The following SNRPD1 variants were observed in gnomAD, a reference collection of about 807,000 sequenced individuals.
SNRPD1 encodes the protein small nuclear ribonucleoprotein Sm D1.
Under a neutral mutation model 14.4 loss-of-function variants are expected in SNRPD1, and 1 was observed. The ratio of observed to expected loss-of-function variants is 0.07; its 90% CI spans 0.02 to 0.33. The LOEUF is 0.33. Among genes scored for constraint, SNRPD1 ranks in the 10% least tolerant of loss-of-function variants. SNRPD1 has a pLI of 1.00. For synonymous variants in SNRPD1, 42 were observed against 50.3 expected (o/e 0.83, Z 0.70); for missense variants, 52 against 146.4 (o/e 0.36, Z 3.33).
At chr18:21,616,449 C>T (rs1002381409) in intron 1 of SNRPD1, among the ~76,000 whole-genome samples, 1 of 151,984 alleles carries the variant, frequency 6.6e-6, no homozygotes, top group Non-Finnish European at 1.5e-5. Flanking sequence ...CCTCTGCCTT[C>T]CAGGTTCAAG....
At chr18:21,612,580 C>T in intron 1 of SNRPD1, 137 bp downstream of exon 1, 1 of 590,812 alleles carries the variant, frequency 1.7e-6, no homozygotes, top group South Asian at 3.3e-5. Context: ...CTTACTGCGC[C>T]CGCAGCTCGT....
chr18:21,618,385 T>A (rs963288061), intron 1 of SNRPD1, among the ~76,000 whole-genome samples: 2 of 151,704 alleles, frequency 1.3e-5, no homozygotes, highest in African/African-American at 4.8e-5. Context: ...TATTGCTTTC[T>A]ACAACTTAGT....
rs2039064771 is a variant in SNRPD1, at chr18:21,629,525, T to G, written c.*387T>G. The G allele has an allele frequency of 6.0e-6, 1 of 165,990 alleles. No homozygotes were observed. Among genetic ancestry groups the G allele is most frequent in the Non-Finnish European group, 1.3e-5 (1 of 76,122 alleles). The allele number at this position is 165,990 out of a possible 1,614,324, so 10.3% of individuals were successfully genotyped here. A position where few individuals can be genotyped will look rare whatever the true frequency, so the allele number is the denominator to read the frequency against. On this transcript the variant is annotated 3_prime_UTR_variant, in exon 4 of 4. Transcript: ENST00000300413. ...TCAGCCCAGCTGCATAGTTGAAGAT[T>G]TATGGACAGAAGGAAAGTGATGTAT...
chr18:21,622,511 C>T (rs1425462658), intron 1 of SNRPD1, among the ~76,000 whole-genome samples: 4 of 152,068 alleles, frequency 2.6e-5, no homozygotes, highest in Admixed American at 6.6e-5. Context: ...GAATTAGAAA[C>T]GTCCAAATGA....
intron 1 of SNRPD1, among the ~76,000 whole-genome samples, chr18:21,620,472 T>C (rs947668327): frequency 2.6e-5 from 4 of 152,192 alleles, no homozygotes; most frequent in Non-Finnish European, 4.4e-5. Flanking sequence ...AACGGAAATT[T>C]AGATGAAGTG....
Position 21,623,894 on chromosome 18 carries a change from C to G in SNRPD1, c.238C>G (p.Leu80Val). The change falls in exon 3 of 4, where the codon CTT (leucine) becomes GTT (valine). Residue 80 changes from leucine (L) to valine (V), a missense_variant. Coordinates refer to ENST00000300413, the MANE Select transcript of SNRPD1 (RefSeq NM_006938.4). ...LPDSLPLDTL[L>V]VDVEPKVKSK... Reference sequence around the variant, plus strand: ...AGACAGTTTACCTCTGGATACACTACTTGTGGATGTTGAACCTAAGGTGAA... The same window carrying G: ...AGACAGTTTACCTCTGGATACACTAGTTGTGGATGTTGAACCTAAGGTGAA... 1 of 1,607,688 alleles carries G rather than the reference C, an allele frequency of 6.2e-7. No homozygotes were observed. Among genetic ancestry groups the G allele is most frequent in the Non-Finnish European group, 8.5e-7 (1 of 1,178,072 alleles).
intron 3 of SNRPD1, 116 bp downstream of exon 3, chr18:21,624,055 AG>A: frequency 1.5e-6 from 1 of 666,066 alleles, no homozygotes; most frequent in Non-Finnish European, 2.6e-6. Flanking sequence ...TATTTCCTAT[AG>A]TATGTATAGT....
At chr18:21,612,491 G>C in intron 1 of SNRPD1, 48 bp downstream of exon 1, 1 of 1,406,742 alleles carries the variant, frequency 7.1e-7, no homozygotes, top group African/African-American at 1.5e-5. Context: ...GGAGGGCTTG[G>C]CCCGGAGTCC....
intron 2 of SNRPD1, 111 bp from the exon 3 acceptor site, chr18:21,623,637 T>A: frequency 1.3e-6 from 1 of 779,322 alleles, no homozygotes; most frequent in South Asian, 1.7e-5. Context: ...ACTTGCACTT[T>A]GTAGAAGAAC....
intron 1 of SNRPD1, among the ~76,000 whole-genome samples, chr18:21,619,972 C>G (rs895143474): frequency 6.6e-6 from 1 of 151,078 alleles, no homozygotes; most frequent in Non-Finnish European, 1.5e-5. Flanking sequence ...GTATTTTTTT[C>G]GAGATGGAGT....
chr18:21,615,026 T>C (rs1224329171), intron 1 of SNRPD1, among the ~76,000 whole-genome samples: 2 of 152,154 alleles, frequency 1.3e-5, no homozygotes, highest in Non-Finnish European at 2.9e-5. Flanking sequence ...TATTGAAAAA[T>C]GTAAACACTT....
chr18:21,618,551 TAAAAAC>T (rs2038974577), intron 1 of SNRPD1, among the ~76,000 whole-genome samples: 1 of 152,046 alleles, frequency 6.6e-6, no homozygotes. Flanking sequence ...GTGTAAAAGA[TAAAAAC>T]AAAAACTTGA....
At chr18:21,623,284 G>T (rs181007297) in intron 2 of SNRPD1, among the ~76,000 whole-genome samples, 4 of 152,228 alleles carry the variant, frequency 2.6e-5, no homozygotes, top group Admixed American at 2.0e-4. Context: ...GTAGAGACGG[G>T]GTTTCATCAT....
chr18:21,620,959 C>A (rs2038992704), intron 1 of SNRPD1, among the ~76,000 whole-genome samples: 1 of 151,708 alleles, frequency 6.6e-6, no homozygotes, highest in Admixed American at 6.6e-5. Context: ...GTCAGAAGAT[C>A]AAGGCCATCG....
rs1438837973 is a variant in SNRPD1 at position 21,629,811 on chromosome 18, C to T, written c.*673C>T. The T allele has an allele frequency of 6.6e-6, 1 of 152,194 alleles. No individual in the cohort carries two copies. The highest frequency in any genetic ancestry group is 1.5e-5 in the Non-Finnish European group (1 of 68,034). The allele number at this position is 152,194 out of a possible 1,614,324, so 9.4% of individuals were successfully genotyped here. A position where few individuals can be genotyped will look rare whatever the true frequency, so the allele number is the denominator to read the frequency against. ...ATAGGATATATACCCTTCTACTTCA[C>T]ATGCACTGAATATGCATTTTATTGC... On this transcript the variant is annotated 3_prime_UTR_variant, in exon 4 of 4. Transcript: ENST00000300413.
At chr18:21,615,329 T>G (rs1293096102) in intron 1 of SNRPD1, among the ~76,000 whole-genome samples, 1 of 152,112 alleles carries the variant, frequency 6.6e-6, no homozygotes, top group Non-Finnish European at 1.5e-5. Flanking sequence ...AAGTTCTGTA[T>G]TTTAGGCCGG....
chr18:21,620,447 T>C (rs1346297460), intron 1 of SNRPD1, among the ~76,000 whole-genome samples: 3 of 152,084 alleles, frequency 2.0e-5, no homozygotes, highest in African/African-American at 7.2e-5. Flanking sequence ...CTGCAAAATT[T>C]TATAAAAAGG....
rs1598496350 is a variant in SNRPD1 at position 21,632,099 on chromosome 18, A to G, written c.*2961A>G. The G allele has an allele frequency of 6.6e-6, 1 of 152,186 alleles. No individual in the cohort carries two copies. Among genetic ancestry groups the G allele is most frequent in the African/African-American group, 2.4e-5 (1 of 41,450 alleles). 9.4% of individuals were successfully genotyped at this position (152,186 alleles called of 1,614,324 possible). Reference sequence around the variant, plus strand: ...TGCTATGATTGCAAGCAGCCTGGGTAACCTAGTGAGACCTGGCTCTTAAAT... The same window carrying G: ...TGCTATGATTGCAAGCAGCCTGGGTGACCTAGTGAGACCTGGCTCTTAAAT... On this transcript the variant is annotated 3_prime_UTR_variant, in exon 4 of 4. Coordinates refer to ENST00000300413, the MANE Select transcript of SNRPD1 (RefSeq NM_006938.4).
In SNRPD1 at chr18:21,629,177, A is replaced by G; in HGVS notation, c.*39A>G. The stretch of plus-strand genomic sequence containing the variant: ...TTCAAAGTCATATGAGATTTGGGAT[A>G]TTTTTTGTACAGGTTGTGTTTGTTT... On this transcript the variant is annotated 3_prime_UTR_variant, in exon 4 of 4. Transcript: ENST00000300413. The G allele has an allele frequency of 6.8e-7, 1 of 1,461,208 alleles. No individual in the cohort carries two copies. Among genetic ancestry groups the G allele is most frequent in the Non-Finnish European group, 9.6e-7 (1 of 1,041,308 alleles). 90.5% of individuals were successfully genotyped at this position (1,461,208 alleles called of 1,614,324 possible).
Sources: allele counts gnomAD v4.1 joint callset (sites outside exome capture counted in the v4.1 genomes callset), GRCh38; gene constraint gnomAD v4.1.1; transcripts MANE v1.5; gene names NCBI Gene and HGNC (gene_info 2026-07-23, HGNC 2026-07-21).